ALK: variants seen among roughly 807,000 people sequenced by gnomAD.
ALK encodes ALK tyrosine kinase receptor.
A neutral mutation model predicts 163.1 loss-of-function variants in ALK; 74 were observed. The observed-to-expected ratio is 0.45, with a 90% confidence interval of 0.38 to 0.55. The LOEUF is 0.55. Among genes scored for constraint, ALK ranks in the 20% least tolerant of loss-of-function variants. The pLI, the probability that ALK is intolerant of heterozygous loss-of-function variation, is 0.00. For missense variants in ALK, 2,063 were observed against 2,105.3 expected (o/e 0.98, Z 0.39); for synonymous variants, 960 against 843.2 (o/e 1.14, Z -2.40).
chr2:29,687,452 CAAAATAGTTAACGTT>C (rs1325569247), intron 3 of ALK, among the ~76,000 whole-genome samples: 1 of 151,522 alleles, frequency 6.6e-6, no homozygotes, highest in Non-Finnish European at 1.5e-5. Flanking sequence ...GGTTGTGGCA[CAAAATAGTTAACGTT>C]TTTCCCCCAA....
chr2:29,887,590 T>C (rs1404955143), intron 1 of ALK, among the ~76,000 whole-genome samples: 2 of 152,232 alleles, frequency 1.3e-5, no homozygotes, highest in Non-Finnish European at 2.9e-5. Context: ...CCTATATTTT[T>C]AAACTGCCAT....
intron 5 of ALK, among the ~76,000 whole-genome samples, chr2:29,355,216 T>A (rs1322281840): frequency 6.6e-6 from 1 of 152,180 alleles, no homozygotes; most frequent in Non-Finnish European, 1.5e-5. Context: ...CATTCACAGA[T>A]GAGATGTCTT....
chr2:29,425,629 T>C (rs1325310440), intron 4 of ALK, among the ~76,000 whole-genome samples: 6 of 152,180 alleles, frequency 3.9e-5, no homozygotes, highest in Admixed American at 3.3e-4. Context: ...CTGACCATAA[T>C]GTAGGGTGTC....
At chr2:29,513,253 A>T (rs1172000683) in intron 4 of ALK, among the ~76,000 whole-genome samples, 1 of 136,692 alleles carries the variant, frequency 7.3e-6, no homozygotes, top group Non-Finnish European at 1.6e-5. Context: ...CAACTATACT[A>T]CAAGGCTACA....
At chr2:29,503,165 A>G (rs767552769) in intron 4 of ALK, among the ~76,000 whole-genome samples, 1 of 152,232 alleles carries the variant, frequency 6.6e-6, no homozygotes, top group East Asian at 1.9e-4. Flanking sequence ...TTTGGTATTT[A>G]CTATTTTATT....
At chr2:29,215,976 G>T (rs1002698790) in intron 23 of ALK, among the ~76,000 whole-genome samples, 11 of 152,136 alleles carry the variant, frequency 7.2e-5, no homozygotes, top group African/African-American at 2.7e-4. Context: ...GGTATTGAGG[G>T]GTTTCCACAT....
At chr2:29,446,281 G>A (rs1670682160) in intron 4 of ALK, among the ~76,000 whole-genome samples, 1 of 152,004 alleles carries the variant, frequency 6.6e-6, no homozygotes, top group Non-Finnish European at 1.5e-5. Context: ...AGGTCCATGA[G>A]GCCTGGATTT....
chr2:29,272,448 C>G (rs1234192566), intron 11 of ALK, among the ~76,000 whole-genome samples: 2 of 152,180 alleles, frequency 1.3e-5, no homozygotes, highest in Non-Finnish European at 2.9e-5. Flanking sequence ...GCTCCATGGG[C>G]CTGGAGGTGA....
At chr2:29,868,789 G>A (rs926036420) in intron 1 of ALK, among the ~76,000 whole-genome samples, 1 of 152,184 alleles carries the variant, frequency 6.6e-6, no homozygotes, top group Non-Finnish European at 1.5e-5. Flanking sequence ...TGGGGTTGAT[G>A]TTCCCTTATC....
At chr2:29,318,824 C>T (rs1666917033) in intron 7 of ALK, among the ~76,000 whole-genome samples, 1 of 152,160 alleles carries the variant, frequency 6.6e-6, no homozygotes, top group African/African-American at 2.4e-5. Flanking sequence ...TCTCGGCCTC[C>T]CAAAGTGCTG....
At chr2:29,570,055 C>T (rs1674311820) in intron 3 of ALK, among the ~76,000 whole-genome samples, 1 of 152,192 alleles carries the variant, frequency 6.6e-6, no homozygotes, top group African/African-American at 2.4e-5. Flanking sequence ...GTGGAAACAA[C>T]TAGCAAAGTC....
At chr2:29,616,150 GCT>G (rs1675839022) in intron 3 of ALK, among the ~76,000 whole-genome samples, 1 of 152,212 alleles carries the variant, frequency 6.6e-6, no homozygotes, top group Admixed American at 6.5e-5. Flanking sequence ...TATGGCCACA[GCT>G]CTCTGGGCAT....
intron 4 of ALK, among the ~76,000 whole-genome samples, chr2:29,400,761 G>C (rs1251992622): frequency 4.6e-5 from 7 of 152,102 alleles, no homozygotes; most frequent in African/African-American, 1.7e-4. Flanking sequence ...GATCATCTGA[G>C]GTTGGGAGTT....
At position 29,221,230 on chromosome 2, in the gene ALK, A is replaced by G. The variant is rs750154003; in HGVS notation, c.3516-395T>C. 1.7e-4 allele frequency: 92 copies of G among 532,042 alleles called. No homozygotes were observed. In the East Asian group the frequency reaches 3.9e-3, roughly 23 times the overall value. 33.0% of individuals were successfully genotyped at this position (532,042 alleles called of 1,614,324 possible). The stretch of plus-strand genomic sequence containing the variant: ...AAGGTGAAGCAAAACAACTGCTTCC[A>G]AGAGAGACTGGGTGAGACTTGCCAA... On this transcript the variant is annotated intron_variant, in intron 22 of 28. Coordinates refer to ENST00000389048, the MANE Select transcript of ALK (RefSeq NM_004304.5).
At chr2:29,221,256 G>A (rs781733682) in intron 22 of ALK, 1 of 526,186 alleles carries the variant, frequency 1.9e-6, no homozygotes, top group South Asian at 1.5e-5. Flanking sequence ...GACTTGCCAA[G>A]TGACAGCGTG....
At position 29,832,594 on chromosome 2, in the gene ALK, T is replaced by G. The variant is rs1225000688; in HGVS notation, c.667+87399A>C. 2.6e-5 allele frequency among the ~76,000 whole-genome samples: 4 copies of G among 152,260 alleles called. No homozygotes were observed. In the East Asian group the frequency reaches 5.8e-4, roughly 22 times the overall value. The stretch of plus-strand genomic sequence containing the variant: ...GGTATTTTGCCCAGAGATCTAAAGC[T>G]TCTGAACATAGCTACTTCGAGGCAA... On this transcript the variant is annotated intron_variant, in intron 1 of 28. Transcript: ENST00000389048.
At chr2:29,845,365 T>C (rs1451701172) in intron 1 of ALK, among the ~76,000 whole-genome samples, 1 of 152,186 alleles carries the variant, frequency 6.6e-6, no homozygotes, top group Non-Finnish European at 1.5e-5. Context: ...CACGGTTAAG[T>C]AAGCTTGGGA....
chr2:29,897,644 T>C (rs1189182863), intron 1 of ALK, among the ~76,000 whole-genome samples: 1 of 152,198 alleles, frequency 6.6e-6, no homozygotes, highest in East Asian at 1.9e-4. Flanking sequence ...TCCTCTCTCA[T>C]TCAGTTACCC....
chr2:29,401,943 A>G (rs1669455885), intron 4 of ALK, among the ~76,000 whole-genome samples: 1 of 152,244 alleles, frequency 6.6e-6, no homozygotes, highest in Admixed American at 6.5e-5. Flanking sequence ...GGATTTTAAT[A>G]CTAAGAAGTA....
Sources: allele counts gnomAD v4.1 joint callset (sites outside exome capture counted in the v4.1 genomes callset), GRCh38; gene constraint gnomAD v4.1.1; transcripts MANE v1.5; gene names NCBI Gene and HGNC (gene_info 2026-07-23, HGNC 2026-07-21).